The following DNAH11 variants were observed in gnomAD, a reference collection of about 807,000 sequenced individuals.
DNAH11 encodes the protein axonemal beta dynein heavy chain 11.
A neutral mutation model predicts 526.0 loss-of-function variants in DNAH11; 442 were observed. The observed-to-expected ratio is 0.84, with a 90% CI of 0.78 to 0.91. The LOEUF (loss-of-function observed/expected upper bound fraction) is 0.91, where lower values mean the gene tolerates loss of function less well. Ranked by LOEUF, DNAH11 falls within the 40% of genes least tolerant of loss-of-function variation. DNAH11 has a pLI of 0.00. For missense variants in DNAH11, 6,989 were observed against 5,448.7 expected (o/e 1.28, Z -8.90); for synonymous variants, 2,461 against 1,935.9 (o/e 1.27, Z -7.12).
Position 21,561,069 on chromosome 7 carries a change from A to C in DNAH11, c.883-2A>C. Reference sequence around the variant, plus strand: ...AGTTCTTCTTTTTTTCCTTTAACTTAGCTTCAGGCACCTGTTGTCCTCAAA... The same window carrying C: ...AGTTCTTCTTTTTTTCCTTTAACTTCGCTTCAGGCACCTGTTGTCCTCAAA... On this transcript the variant is annotated splice_acceptor_variant, in intron 4 of 81. Coordinates refer to ENST00000409508, the MANE Select transcript of DNAH11 (RefSeq NM_001277115.2). LOFTEE classifies it high-confidence loss of function. 3.8e-6 allele frequency: 6 copies of C among 1,586,644 alleles called. No homozygotes were observed. Among genetic ancestry groups the C allele is most frequent in the Non-Finnish European group, 5.1e-6 (6 of 1,165,238 alleles).
chr7:21,735,688 G>A lies in DNAH11; in HGVS notation c.7489G>A (p.Glu2497Lys). ...GACAGCTCGTCTTAGATATTTCATG[G>A]AGTTGTTGCTTGAGAAAGGAAAACC... The part of the protein sequence containing the change: ...TETARLRYFM[E>K]LLLEKGKPLM... The change falls in exon 46 of 82, where the codon GAG (glutamate) becomes AAG (lysine). Residue 2497 changes from glutamate to lysine, a missense_variant. By Grantham distance (56) the Glu-to-Lys change is moderately conservative. Coordinates refer to ENST00000409508, the MANE Select transcript of DNAH11 (RefSeq NM_001277115.2). The A allele has an allele frequency of 1.2e-6, 2 of 1,612,456 alleles. No homozygotes were observed. Among genetic ancestry groups the A allele is most frequent in the East Asian group, 4.5e-5 (2 of 44,852 alleles).
chr7:21,787,747 A>G (rs1018740935), intron 60 of DNAH11, among the ~76,000 whole-genome samples, 164 bp downstream of exon 60: 4 of 152,348 alleles, frequency 2.6e-5, no homozygotes, highest in African/African-American at 9.6e-5. Flanking sequence ...ACAATTCTCT[A>G]CAGGAGGATA....
chr7:21,714,643 CAG>C (rs1375020203), intron 42 of DNAH11, among the ~76,000 whole-genome samples: 2 of 152,148 alleles, frequency 1.3e-5, no homozygotes, highest in African/African-American at 4.8e-5. Context: ...GTGTTTTCTT[CAG>C]AGTCAAAACT....
At chr7:21,656,883 G>A (rs1485213553) in intron 29 of DNAH11, among the ~76,000 whole-genome samples, 2 of 152,068 alleles carry the variant, frequency 1.3e-5, no homozygotes, top group Non-Finnish European at 1.5e-5. Context: ...TTGATCTCTT[G>A]GGCTTTTTAG....
chr7:21,901,059 G>A lies in DNAH11; in HGVS notation c.13356G>A (p.Glu4452=), dbSNP rs1388925861. The A allele has an allele frequency of 6.2e-7, 1 of 1,613,388 alleles. No homozygotes were observed. The highest frequency in any genetic ancestry group is 8.5e-7 in the Non-Finnish European group (1 of 1,179,634). The change falls in exon 82 of 82, where the codon GAG becomes GAA. Residue 4452 remains glutamate, a synonymous_variant. Coordinates refer to ENST00000409508, the MANE Select transcript of DNAH11 (RefSeq NM_001277115.2). Reference sequence around the variant, plus strand: ...CCATTGTTGAAGCCCGTCTCAAGGAGCTGGCATGCCCTATGCCGGTCATCT... The same window carrying A: ...CCATTGTTGAAGCCCGTCTCAAGGAACTGGCATGCCCTATGCCGGTCATCT... ...AGTIVEARLK[E]LACPMPVIFA...
intron 51 of DNAH11, among the ~76,000 whole-genome samples, chr7:21,745,701 C>T (rs746612003): frequency 7.9e-5 from 12 of 152,122 alleles, no homozygotes; most frequent in Non-Finnish European, 1.6e-4. Flanking sequence ...AGGACATGAA[C>T]AACTAAACAA....
chr7:21,796,147 A>G (rs1249349276), intron 61 of DNAH11, among the ~76,000 whole-genome samples: 2 of 151,976 alleles, frequency 1.3e-5, no homozygotes, highest in East Asian at 3.9e-4. Context: ...AATATTGAAG[A>G]CTCTTCTTAA....
chr7:21,795,139 T>A (rs899720014), intron 61 of DNAH11, among the ~76,000 whole-genome samples: 12 of 152,310 alleles, frequency 7.9e-5, no homozygotes, highest in African/African-American at 2.4e-4. Flanking sequence ...GTTCTCAAAC[T>A]TTTGCACAAC....
At chr7:21,796,665 T>C (rs769303676) in intron 61 of DNAH11, among the ~76,000 whole-genome samples, 1 of 152,180 alleles carries the variant, frequency 6.6e-6, no homozygotes, top group Non-Finnish European at 1.5e-5. Context: ...CCACAGTGCA[T>C]CTGAGCATAG....
intron 51 of DNAH11, among the ~76,000 whole-genome samples, chr7:21,748,278 G>T (rs1786242147): frequency 1.3e-5 from 2 of 152,180 alleles, no homozygotes; most frequent in African/African-American, 4.8e-5. Context: ...GAGATCAGGA[G>T]TTCAAGACCA....
intron 51 of DNAH11, among the ~76,000 whole-genome samples, chr7:21,747,297 G>C (rs1303828914): frequency 6.6e-6 from 1 of 152,112 alleles, no homozygotes; most frequent in Non-Finnish European, 1.5e-5. Context: ...CTCTGTTACT[G>C]GAGGTTTTCA....
chr7:21,647,530 C>T (rs1263254133), intron 28 of DNAH11, among the ~76,000 whole-genome samples: 1 of 150,398 alleles, frequency 6.6e-6, no homozygotes. Context: ...CCCAGGTTCA[C>T]GCCATTCTCC....
At chr7:21,606,366 A>G (rs990995503) in intron 18 of DNAH11, 60 bp from the exon 19 acceptor site, 18 of 1,298,472 alleles carry the variant, frequency 1.4e-5, no homozygotes, top group Admixed American at 2.2e-5. Flanking sequence ...ATTTAATCCT[A>G]TAGGGTTGAT....
intron 45 of DNAH11, among the ~76,000 whole-genome samples, chr7:21,734,967 C>T (rs1160535288): frequency 6.6e-6 from 1 of 151,686 alleles, no homozygotes; most frequent in African/African-American, 2.4e-5. Flanking sequence ...GTCAGGAGAT[C>T]GAGACCATCT....
intron 30 of DNAH11, among the ~76,000 whole-genome samples, chr7:21,660,875 A>G (rs78610795): frequency 0.028 from 4,222 of 152,174 alleles, 178 homozygotes; most frequent in African/African-American, 0.096. Context: ...TATATTATCT[A>G]CATATTTTCT....
chr7:21,859,028 T>A (rs905199671), intron 68 of DNAH11, among the ~76,000 whole-genome samples: 1 of 152,216 alleles, frequency 6.6e-6, no homozygotes, highest in African/African-American at 2.4e-5. Flanking sequence ...ATGCACTTTA[T>A]GCACAAAATT....
rs1785305401 is a variant in DNAH11 at position 21,606,768 on chromosome 7, A to G, written c.3852+35A>G. ...ATCTCAAATATCCTGTGTGCATTAA[A>G]ATAGCTACTTTAAAAAATGTAAGTT... On this transcript the variant is annotated intron_variant, in intron 20 of 81. Transcript: ENST00000409508. 2.6e-6 allele frequency: 4 copies of G among 1,519,514 alleles called. No homozygotes were observed. In the Admixed American group the frequency reaches 5.6e-5, roughly 21 times the overall value. The allele number at this position is 1,519,514 out of a possible 1,614,324, so 94.1% of individuals were successfully genotyped here.
At chr7:21,667,791 G>A (rs949868147) in intron 30 of DNAH11, among the ~76,000 whole-genome samples, 1 of 151,790 alleles carries the variant, frequency 6.6e-6, no homozygotes, top group African/African-American at 2.4e-5. Context: ...GATTTTTTTT[G>A]CTAATAATTA....
intron 7 of DNAH11, among the ~76,000 whole-genome samples, chr7:21,571,209 G>T (rs2128436836): frequency 6.6e-6 from 1 of 152,236 alleles, no homozygotes; most frequent in East Asian, 1.9e-4. Flanking sequence ...TTACGTTTAG[G>T]AAGATATAAA....
Sources: allele counts gnomAD v4.1 joint callset (sites outside exome capture counted in the v4.1 genomes callset), GRCh38; gene constraint gnomAD v4.1.1; transcripts MANE v1.5; gene names NCBI Gene and HGNC (gene_info 2026-07-23, HGNC 2026-07-21).